AGBL1: variants seen among roughly 807,000 people sequenced by gnomAD.
The protein encoded by AGBL1 is AGBL carboxypeptidase 1, also known as cytosolic carboxypeptidase 4.
In AGBL1, 130 loss-of-function variants were observed where a neutral mutation model predicts 118.9. The observed-to-expected ratio is 1.09, with a 90% CI of 0.95 to 1.26. The LOEUF (loss-of-function observed/expected upper bound fraction) is 1.26. Among genes scored for constraint, AGBL1 ranks in the 50% most tolerant of loss-of-function variants. AGBL1 has a pLI of 0.00. For missense variants in AGBL1, 1,584 were observed against 1,298.1 expected (o/e 1.22, Z -3.38); for synonymous variants, 555 against 478.9 (o/e 1.16, Z -2.08).
chr15:86,495,617 T>C (rs910971764), intron 18 of AGBL1, among the ~76,000 whole-genome samples: 2 of 152,010 alleles, frequency 1.3e-5, no homozygotes, highest in Non-Finnish European at 1.5e-5. Context: ...CTTATAACTT[T>C]TAAGGTGATG....
At chr15:86,896,322 T>G (rs900464636) in intron 22 of AGBL1, among the ~76,000 whole-genome samples, 3 of 152,082 alleles carry the variant, frequency 2.0e-5, no homozygotes, top group Non-Finnish European at 4.4e-5. Context: ...TGACTTATGA[T>G]TTGTTATTTT....
At chr15:86,437,425 C>T (rs1413005746) in intron 18 of AGBL1, among the ~76,000 whole-genome samples, 1 of 152,172 alleles carries the variant, frequency 6.6e-6, no homozygotes, top group Non-Finnish European at 1.5e-5. Flanking sequence ...CATTATGAGA[C>T]ATTTATTGAG....
chr15:86,984,361 CTCTT>C (rs775789972), intron 23 of AGBL1, among the ~76,000 whole-genome samples: 11,799 of 143,392 alleles, frequency 0.082, 611 homozygotes, highest in East Asian at 0.26. Context: ...ATTTTTTTCT[CTCTT>C]TTTTTTTTTT....
intron 18 of AGBL1, among the ~76,000 whole-genome samples, chr15:86,417,849 T>C (rs1282449876): frequency 6.6e-6 from 1 of 152,206 alleles, no homozygotes; most frequent in Non-Finnish European, 1.5e-5. Context: ...ACCAAATTGC[T>C]ATTCATGAAG....
chr15:86,415,257 T>C (rs1427288111), intron 18 of AGBL1, among the ~76,000 whole-genome samples: 1 of 152,084 alleles, frequency 6.6e-6, no homozygotes, highest in Non-Finnish European at 1.5e-5. Context: ...AGAAGATCCC[T>C]TTGGCTGAGG....
intron 23 of AGBL1, among the ~76,000 whole-genome samples, chr15:86,975,653 C>T (rs1318004683): frequency 6.6e-6 from 1 of 152,164 alleles, no homozygotes; most frequent in Non-Finnish European, 1.5e-5. Context: ...AGGCTCCCTC[C>T]TGACACAGTG....
intron 18 of AGBL1, among the ~76,000 whole-genome samples, chr15:86,517,387 A>G (rs2083134695): frequency 6.6e-6 from 1 of 152,196 alleles, no homozygotes; most frequent in Non-Finnish European, 1.5e-5. Context: ...GCTACCAGGT[A>G]ATGTTGTTGC....
At chr15:86,279,852 T>C (rs1597671644) in intron 16 of AGBL1, 69 bp downstream of exon 16, 1 of 1,563,336 alleles carries the variant, frequency 6.4e-7, no homozygotes, top group East Asian at 2.3e-5. Flanking sequence ...CTGGGAACAT[T>C]TTGGAGACCC....
intron 18 of AGBL1, among the ~76,000 whole-genome samples, chr15:86,438,307 A>T (rs776253598): frequency 1.3e-5 from 2 of 152,120 alleles, no homozygotes; most frequent in African/African-American, 2.4e-5. Context: ...TGCTCAATAT[A>T]CCTAAGTTCT....
At chr15:86,137,666 A>T (rs375614049) in intron 1 of AGBL1, among the ~76,000 whole-genome samples, 1 of 151,930 alleles carries the variant, frequency 6.6e-6, no homozygotes, top group Admixed American at 6.6e-5. Flanking sequence ...CAGGTTTTCT[A>T]TTTCTGATCT....
intron 22 of AGBL1, among the ~76,000 whole-genome samples, chr15:86,868,604 C>T (rs778782676): frequency 2.6e-5 from 4 of 152,192 alleles, no homozygotes; most frequent in African/African-American, 4.8e-5. Context: ...GCGTGTAAAG[C>T]ATTCGTGAAG....
At chr15:86,219,400 A>T (rs1390454615) in intron 5 of AGBL1, among the ~76,000 whole-genome samples, 1 of 152,176 alleles carries the variant, frequency 6.6e-6, no homozygotes, top group Non-Finnish European at 1.5e-5. Context: ...ACGTAATTTA[A>T]TTTAAATTTT....
intron 22 of AGBL1, among the ~76,000 whole-genome samples, chr15:86,845,637 G>C (rs1018080973): frequency 1.3e-5 from 2 of 152,156 alleles, no homozygotes; most frequent in Non-Finnish European, 2.9e-5. Context: ...TTATCTGAAA[G>C]AGTTGGTGAA....
chr15:86,171,249 G>C (rs1268223097), intron 5 of AGBL1, among the ~76,000 whole-genome samples: 1 of 152,130 alleles, frequency 6.6e-6, no homozygotes, highest in Non-Finnish European at 1.5e-5. Context: ...TTTGATTTTA[G>C]ATTATTATTT....
intron 22 of AGBL1, among the ~76,000 whole-genome samples, chr15:86,862,060 C>T (rs1178675167): frequency 6.6e-6 from 1 of 152,100 alleles, no homozygotes. Context: ...GTCCAAGCTA[C>T]CAACCTCTAT....
At chr15:86,807,903 C>T (rs1453496382) in intron 22 of AGBL1, among the ~76,000 whole-genome samples, 1 of 152,058 alleles carries the variant, frequency 6.6e-6, no homozygotes, top group East Asian at 1.9e-4. Context: ...CCCATTCCAC[C>T]CTCCAGTTAG....
intron 18 of AGBL1, among the ~76,000 whole-genome samples, chr15:86,477,539 T>C (rs925324315): frequency 6.6e-6 from 1 of 152,054 alleles, no homozygotes; most frequent in Non-Finnish European, 1.5e-5. Context: ...CAGGAAGAAG[T>C]TGAATCTCTG....
intron 5 of AGBL1, 82 bp from the exon 6 acceptor site, chr15:86,224,832 A>G (rs1480762476): frequency 1.3e-5 from 18 of 1,369,500 alleles, no homozygotes; most frequent in Admixed American, 3.4e-5. Context: ...TGGGGTGGCA[A>G]TGGGCATGCT....
At chr15:86,859,609 A>C (rs2079532429) in intron 22 of AGBL1, among the ~76,000 whole-genome samples, 1 of 152,100 alleles carries the variant, frequency 6.6e-6, no homozygotes, top group African/African-American at 2.4e-5. Context: ...TATCTGGACA[A>C]ATGCCATTCT....
Sources: gnomAD v4.1 joint callset for allele counts (sites outside exome capture counted in the v4.1 genomes callset) on GRCh38, gnomAD v4.1.1 for gene constraint, MANE v1.5 for transcripts, NCBI Gene and HGNC (gene_info 2026-07-23, HGNC 2026-07-21) for gene names.